The following SHISAL2A variants were observed in gnomAD, a reference collection of about 807,000 sequenced individuals.
The protein encoded by SHISAL2A is shisa like 2A.
In SHISAL2A, 18 loss-of-function variants were observed where a neutral mutation model predicts 11.5. The ratio of observed to expected loss-of-function variants is 1.57; its 90% CI spans 1.08 to 2.33. The LOEUF is 2.33. Among genes scored for constraint, SHISAL2A ranks in the 30% most tolerant of loss-of-function variants. SHISAL2A has a pLI of 0.00. For missense variants in SHISAL2A, 261 were observed against 250.9 expected, an observed-to-expected ratio of 1.04 and a Z score of -0.27; for synonymous variants, 94 against 99.6, an observed-to-expected ratio of 0.94 and a Z score of 0.34.
chr1:52,665,166 T>C (rs951525644), intron 4 of SHISAL2A, among the ~76,000 whole-genome samples: 1 of 152,216 alleles, frequency 6.6e-6, no homozygotes, highest in South Asian at 2.1e-4. Context: ...TTATTGTTAC[T>C]AAATGAAAGT....
At chr1:52,666,029 A>T (rs1692003779) in intron 4 of SHISAL2A, among the ~76,000 whole-genome samples, 1 of 152,186 alleles carries the variant, frequency 6.6e-6, no homozygotes, top group South Asian at 2.1e-4. Flanking sequence ...CCTTGAGCTA[A>T]TGCCTTCCTC....
chr1:52,650,641 C>A (rs1038782187), intron 2 of SHISAL2A, among the ~76,000 whole-genome samples: 105 of 119,930 alleles, frequency 8.8e-4, no homozygotes, highest in African/African-American at 2.7e-3. Flanking sequence ...TTTTTTAAAA[C>A]CCTTTTTTTT....
intron 1 of SHISAL2A, among the ~76,000 whole-genome samples, chr1:52,639,732 G>T (rs936590918): frequency 1.3e-5 from 2 of 152,060 alleles, no homozygotes; most frequent in South Asian, 4.1e-4. Context: ...CAGCCGGGGC[G>T]ACAGAGTGAG....
chr1:52,648,428 A>G (rs1228387720), intron 2 of SHISAL2A, among the ~76,000 whole-genome samples: 1 of 152,142 alleles, frequency 6.6e-6, no homozygotes, highest in African/African-American at 2.4e-5. Flanking sequence ...GGTATAGATC[A>G]TGCTATTACT....
chr1:52,654,127 T>C (rs1459299507), intron 2 of SHISAL2A, among the ~76,000 whole-genome samples: 1 of 151,840 alleles, frequency 6.6e-6, no homozygotes, highest in Admixed American at 6.6e-5. Flanking sequence ...CCCAGGCTGG[T>C]TTTGAACTCC....
chr1:52,649,841 A>G (rs552048889), intron 2 of SHISAL2A, among the ~76,000 whole-genome samples: 120 of 152,344 alleles, frequency 7.9e-4, no homozygotes, highest in African/African-American at 2.7e-3. Context: ...AAGGAGTCCA[A>G]TTCTTATCCT....
rs745439934 is a variant in SHISAL2A, at chr1:52,643,047, AC to A, written c.322+47del. ...ATGTCCTTGTATTCGGTAGACTAGC[AC>A]CTTTTCAAGGGGGGAGAAATGTAGA... On this transcript the variant is annotated intron_variant, in intron 2 of 2. Coordinates refer to ENST00000517870, the MANE Select transcript of SHISAL2A (RefSeq NM_001042693.3). The A allele has an allele frequency of 2.5e-6, 4 of 1,591,674 alleles. No homozygotes were observed. The African/African-American group carries it at 5.4e-5, about 21-fold the overall frequency.
intron 1 of SHISAL2A, among the ~76,000 whole-genome samples, chr1:52,635,877 G>C (rs669219): frequency 0.1 from 15,405 of 152,304 alleles, 869 homozygotes; most frequent in African/African-American, 0.12. Context: ...AAGACAGCTC[G>C]TAAAGTTAGA....
downstream of SHISAL2A, among the ~76,000 whole-genome samples, chr1:52,657,772 T>C (rs1045877389): frequency 6.6e-6 from 1 of 152,114 alleles, no homozygotes; most frequent in Non-Finnish European, 1.5e-5. Flanking sequence ...GGAGAATCAG[T>C]TGAGCCCTGG....
chr1:52,654,559 CTT>C (rs1344188718), intron 2 of SHISAL2A, among the ~76,000 whole-genome samples: 1 of 152,114 alleles, frequency 6.6e-6, no homozygotes, highest in Non-Finnish European at 1.5e-5. Flanking sequence ...GGAAGATAGT[CTT>C]TTCAATAAAT....
chr1:52,640,019 G>C (rs1250675751), intron 1 of SHISAL2A: 1 of 152,076 alleles, frequency 6.6e-6, no homozygotes, highest in African/African-American at 2.4e-5. Context: ...TGAATTCCTG[G>C]ACTCAAGTGA....
downstream of SHISAL2A, among the ~76,000 whole-genome samples, chr1:52,658,246 G>T (rs1405094530): frequency 1.3e-5 from 2 of 152,002 alleles, no homozygotes; most frequent in Admixed American, 6.6e-5. Flanking sequence ...CACCATGTTG[G>T]CCAGGCTGGT....
chr1:52,647,425 G>A (rs930744635), intron 2 of SHISAL2A, among the ~76,000 whole-genome samples: 3 of 152,064 alleles, frequency 2.0e-5, no homozygotes, highest in African/African-American at 7.3e-5. Context: ...ATAAAACAAG[G>A]CAGTATTGAT....
chr1:52,649,342 G>C lies in SHISAL2A; in HGVS notation c.322+6340G>C, dbSNP rs551722246. Among the ~76,000 whole-genome samples the C allele has an allele frequency of 5.3e-5, 8 of 152,296 alleles. No individual in the cohort carries two copies. In the South Asian group the frequency reaches 1.7e-3, roughly 32 times the overall value. On this transcript the variant is annotated intron_variant, in intron 2 of 2. Transcript: ENST00000517870. ...AAGGGAAATGAACTAAGTCCACATAGCCAGTGAGCATGTGTCACTGCGATG... is the reference window on the plus strand; with the variant it reads ...AAGGGAAATGAACTAAGTCCACATACCCAGTGAGCATGTGTCACTGCGATG...
At chr1:52,664,500 C>T (rs1022811865) in intron 4 of SHISAL2A, among the ~76,000 whole-genome samples, 4 of 151,972 alleles carry the variant, frequency 2.6e-5, no homozygotes, top group African/African-American at 7.2e-5. Flanking sequence ...AGATTACAGG[C>T]GTGTGCCACC....
chr1:52,659,831 C>G (rs773661394), downstream of SHISAL2A, among the ~76,000 whole-genome samples: 1 of 152,224 alleles, frequency 6.6e-6, no homozygotes, highest in Non-Finnish European at 1.5e-5. Flanking sequence ...TGAACACTTT[C>G]AAGGGAGACT....
chr1:52,648,646 G>A (rs6692566), intron 2 of SHISAL2A, among the ~76,000 whole-genome samples: 52,906 of 151,914 alleles, frequency 0.35, 9,344 homozygotes, highest in Middle Eastern at 0.42. Context: ...TTATAACCCA[G>A]TTTACAGATG....
At chr1:52,658,738 C>T (rs1388216364), downstream of SHISAL2A, among the ~76,000 whole-genome samples, 1 of 152,256 alleles carries the variant, frequency 6.6e-6, no homozygotes, top group Non-Finnish European at 1.5e-5. Flanking sequence ...CCTGGCTGCT[C>T]TCCTAACTTT....
intron 2 of SHISAL2A, among the ~76,000 whole-genome samples, chr1:52,646,996 AT>A (rs979125390): frequency 4.6e-5 from 7 of 151,120 alleles, no homozygotes; most frequent in Non-Finnish European, 8.9e-5. Context: ...TGCCCAGCTA[AT>A]TTTTTTTTGT....
Sources: gnomAD v4.1 joint callset for allele counts (sites outside exome capture counted in the v4.1 genomes callset) on GRCh38, gnomAD v4.1.1 for gene constraint, MANE v1.5 for transcripts, NCBI Gene and HGNC (gene_info 2026-07-23, HGNC 2026-07-21) for gene names.